CASP10: variants seen among roughly 807,000 people sequenced by gnomAD.
CASP10 encodes caspase 10, also known as caspase-10.
A neutral mutation model predicts 48.5 loss-of-function variants in CASP10; 41 were observed. That is an observed-to-expected ratio of 0.85 (90% CI 0.66 to 1.10). The LOEUF is 1.10. Among genes scored for constraint, CASP10 ranks in the 50% least tolerant of loss-of-function variants. The pLI, the probability that CASP10 is intolerant of heterozygous loss-of-function variation, is 0.00. For missense variants in CASP10, 614 were observed against 614.5 expected, an observed-to-expected ratio of 1.00 and a Z score of 0.01; for synonymous variants, 232 against 238.4, an observed-to-expected ratio of 0.97 and a Z score of 0.25.
Position 201,185,858 on chromosome 2 carries a change from T to C in CASP10, c.81T>C (p.Ile27=), listed in dbSNP as rs751728796. Residue 27 remains isoleucine, a synonymous_variant, in exon 2 of 10, where the codon ATT becomes ATC. Coordinates refer to ENST00000286186, the MANE Select transcript of CASP10 (RefSeq NM_032977.4). ...KVSFREKLLI[I]DSNLGVQDVE... is the part of the protein sequence containing the mutation. The stretch of plus-strand genomic sequence containing the variant: ...GCTTTCGTGAGAAGCTTCTGATTAT[T>C]GATTCAAACCTGGGGGTCCAAGATG... 6 of 1,614,012 alleles carry C rather than the reference T, an allele frequency of 3.7e-6. No homozygotes were observed. Among genetic ancestry groups the C allele is most frequent in the Non-Finnish European group, 5.1e-6 (6 of 1,179,998 alleles).
intron 9 of CASP10, among the ~76,000 whole-genome samples, chr2:201,217,166 G>T (rs1302590805): frequency 6.6e-6 from 1 of 152,190 alleles, no homozygotes; most frequent in Non-Finnish European, 1.5e-5. Flanking sequence ...GGCATTGTTG[G>T]TATCTGTGGC....
chr2:201,183,890 C>CTATT (rs1465636309), intron 1 of CASP10, among the ~76,000 whole-genome samples: 1 of 134,270 alleles, frequency 7.4e-6, no homozygotes, highest in East Asian at 2.0e-4. Context: ...ATTTATTTAT[C>CTATT]TATTTATTTA....
Position 201,218,268 on chromosome 2 carries a change from T to G in CASP10, c.*527T>G. ...CTTGGATTGTAGCCTTGGTTTTGGA[T>G]GTCTATTCTGAAGACAGAGTAATTG... On this transcript the variant is annotated 3_prime_UTR_variant, in exon 10 of 10. Transcript: ENST00000286186. 1 of 1,008,880 alleles carries G rather than the reference T, an allele frequency of 9.9e-7. No individual in the cohort carries two copies. The highest frequency in any genetic ancestry group is 1.2e-6 in the Non-Finnish European group (1 of 844,112). The allele number at this position is 1,008,880 out of a possible 1,614,324, so 62.5% of individuals were successfully genotyped here.
chr2:201,212,487 G>T (rs182646961), intron 9 of CASP10: 26 of 152,188 alleles, frequency 1.7e-4, no homozygotes, highest in African/African-American at 6.3e-4. Flanking sequence ...TTAAGGATAA[G>T]TATTTGTTGA....
At chr2:201,188,782 C>A (rs1307379430) in intron 3 of CASP10, among the ~76,000 whole-genome samples, 1 of 151,996 alleles carries the variant, frequency 6.6e-6, no homozygotes, top group African/African-American at 2.4e-5. Context: ...ACCTGATTTT[C>A]TCTCTCTTTT....
At chr2:201,198,539 CTT>C (rs34234167) in intron 5 of CASP10, among the ~76,000 whole-genome samples, 4 of 87,976 alleles carry the variant, frequency 4.5e-5, no homozygotes, top group Non-Finnish European at 6.3e-5. Flanking sequence ...TTTTTTAATT[CTT>C]TTTTTTTTTT....
At chr2:201,227,207 G>A (rs567855775) in intron 9 of CASP10, among the ~76,000 whole-genome samples, 34 of 152,128 alleles carry the variant, frequency 2.2e-4, no homozygotes, top group African/African-American at 5.8e-4. Flanking sequence ...TCCTTTTTGC[G>A]TCTCAGTGCT....
At chr2:201,208,435 T>C (rs114959391) in intron 8 of CASP10, 10,114 of 923,924 alleles carry the variant, frequency 0.011, 58 homozygotes, top group Non-Finnish European at 0.013. Flanking sequence ...ACGAGACAAC[T>C]TGGGCGTGAG....
intron 3 of CASP10, among the ~76,000 whole-genome samples, chr2:201,189,362 A>G (rs1437988723): frequency 6.9e-6 from 1 of 145,588 alleles, no homozygotes; most frequent in African/African-American, 2.6e-5. Context: ...TCTGCCTCCC[A>G]GGTTCAGGTG....
intron 2 of CASP10, 138 bp from the exon 3 acceptor site, chr2:201,187,568 C>T: frequency 1.3e-6 from 1 of 756,630 alleles, no homozygotes; most frequent in Non-Finnish European, 2.4e-6. Context: ...TTTTTTGAAC[C>T]TATAAATGGG....
At chr2:201,186,470 A>G in intron 2 of CASP10, 2 of 323,804 alleles carry the variant, frequency 6.2e-6, no homozygotes, top group South Asian at 6.3e-5. Context: ...TAGTCTGTCT[A>G]CCTGTTTCCC....
At chr2:201,199,474 G>A (rs904538616) in intron 5 of CASP10, among the ~76,000 whole-genome samples, 1 of 151,304 alleles carries the variant, frequency 6.6e-6, no homozygotes, top group African/African-American at 2.4e-5. Context: ...AACATAGTGA[G>A]ACCCTCTCTA....
At chr2:201,221,886 G>A (rs1392277173), downstream of CASP10, among the ~76,000 whole-genome samples, 1 of 152,158 alleles carries the variant, frequency 6.6e-6, no homozygotes, top group Non-Finnish European at 1.5e-5. Flanking sequence ...GCTGTGAGTC[G>A]TGGATCTACC....
chr2:201,212,671 G>A (rs1945437733), intron 9 of CASP10: 1 of 152,314 alleles, frequency 6.6e-6, no homozygotes. Flanking sequence ...ATCTGATAAA[G>A]AGTTGGAAAA....
chr2:201,227,094 G>A (rs551059377), intron 9 of CASP10, among the ~76,000 whole-genome samples: 162 of 152,160 alleles, frequency 1.1e-3, no homozygotes, highest in African/African-American at 3.6e-3. Context: ...GGACAGGGGG[G>A]AACATGCCAA....
At chr2:201,196,011 C>T (rs1285998078) in intron 5 of CASP10, 63 bp downstream of exon 5, 3 of 1,092,494 alleles carry the variant, frequency 2.7e-6, no homozygotes, top group East Asian at 4.7e-5. Flanking sequence ...CCTCCCCTCC[C>T]TGCCACCCCA....
chr2:201,210,029 AG>A (rs1386228505), intron 9 of CASP10, among the ~76,000 whole-genome samples: 3 of 152,268 alleles, frequency 2.0e-5, no homozygotes, highest in Non-Finnish European at 4.4e-5. Flanking sequence ...GGAGGCTTCT[AG>A]AAATGACAAA....
At chr2:201,198,534 TAA>T (rs1944889009) in intron 5 of CASP10, among the ~76,000 whole-genome samples, 1 of 135,424 alleles carries the variant, frequency 7.4e-6, no homozygotes, top group African/African-American at 2.9e-5. Context: ...CTTTATTTTT[TAA>T]TTCTTTTTTT....
intron 3 of CASP10, among the ~76,000 whole-genome samples, chr2:201,189,674 T>G (rs1944539087): frequency 6.6e-6 from 1 of 152,090 alleles, no homozygotes; most frequent in African/African-American, 2.4e-5. Context: ...GTGAGGTATT[T>G]CAATCTACTG....
Sources: gnomAD v4.1 joint callset for allele counts (sites outside exome capture counted in the v4.1 genomes callset) on GRCh38, gnomAD v4.1.1 for gene constraint, MANE v1.5 for transcripts, NCBI Gene and HGNC (gene_info 2026-07-23, HGNC 2026-07-21) for gene names.